The following ZFYVE9 variants were observed in gnomAD, a reference collection of about 807,000 sequenced individuals.
ZFYVE9 encodes the protein zinc finger FYVE-type containing 9, also known as zinc finger FYVE domain-containing protein 9.
A neutral mutation model predicts 126.7 loss-of-function variants in ZFYVE9; 43 were observed. That is an observed-to-expected ratio of 0.34 (90% confidence interval 0.27 to 0.44). The LOEUF is 0.44. Ranked by LOEUF, ZFYVE9 falls within the 20% of genes least tolerant of loss-of-function variation. The probability of loss-of-function intolerance (pLI) is 1.00; values close to 1 mark genes in which losing one functional copy is unlikely to be tolerated. For synonymous variants in ZFYVE9, 521 were observed against 597.4 expected, an observed-to-expected ratio of 0.87 and a Z score of 1.87; for missense variants, 1,476 against 1,697.0, an observed-to-expected ratio of 0.87 and a Z score of 2.29.
intron 2 of ZFYVE9, among the ~76,000 whole-genome samples, chr1:52,225,542 T>A (rs1272939583): frequency 6.6e-6 from 1 of 152,218 alleles, no homozygotes; most frequent in African/African-American, 2.4e-5. Context: ...TCTGTGTCTT[T>A]CCCATGTTGG....
At chr1:52,322,641 A>T (rs1477414410) in intron 13 of ZFYVE9, among the ~76,000 whole-genome samples, 1 of 150,698 alleles carries the variant, frequency 6.6e-6, no homozygotes. Context: ...CTCCCAAAGT[A>T]TTGGGATTAC....
intron 10 of ZFYVE9, among the ~76,000 whole-genome samples, chr1:52,290,658 A>T (rs116663169): frequency 0.043 from 6,622 of 152,240 alleles, 225 homozygotes; most frequent in Non-Finnish European, 0.069. Flanking sequence ...ATCTCCCTAA[A>T]GTTCCTGACA....
intron 1 of ZFYVE9, among the ~76,000 whole-genome samples, chr1:52,161,172 A>G (rs1644454340): frequency 1.3e-5 from 2 of 152,258 alleles, no homozygotes; most frequent in African/African-American, 4.8e-5. Context: ...ACAGCAAATT[A>G]TATAGTTGCT....
At chr1:52,251,569 T>C (rs1645446936) in intron 4 of ZFYVE9, among the ~76,000 whole-genome samples, 1 of 152,126 alleles carries the variant, frequency 6.6e-6, no homozygotes. Flanking sequence ...TCATGGTGTA[T>C]AATTCTATCA....
At chr1:52,182,620 T>C (rs603316) in intron 1 of ZFYVE9, among the ~76,000 whole-genome samples, 146,811 of 151,894 alleles carry the variant, frequency 0.97, 70,965 homozygotes, top group East Asian at 1. Flanking sequence ...TGCGGAAGGC[T>C]GCAGGGTCCT....
chr1:52,166,161 C>T (rs985104156), intron 1 of ZFYVE9, among the ~76,000 whole-genome samples: 5 of 152,280 alleles, frequency 3.3e-5, no homozygotes, highest in South Asian at 2.1e-4. Flanking sequence ...GTGAAACTGA[C>T]GTTTTAGAAC....
chr1:52,176,850 G>A (rs865831188), intron 1 of ZFYVE9, among the ~76,000 whole-genome samples: 51 of 152,130 alleles, frequency 3.4e-4, no homozygotes, highest in East Asian at 5.8e-4. Context: ...TCAGAAAAGC[G>A]CAGTATTGGG....
At chr1:52,294,105 G>A (rs952589402) in intron 11 of ZFYVE9, among the ~76,000 whole-genome samples, 8 of 152,192 alleles carry the variant, frequency 5.3e-5, no homozygotes, top group Admixed American at 1.3e-4. Flanking sequence ...AGAAGAAGGA[G>A]CTTCCTTGCT....
chr1:52,291,755 A>G (rs1007950684), intron 10 of ZFYVE9, among the ~76,000 whole-genome samples: 2 of 151,672 alleles, frequency 1.3e-5, no homozygotes, highest in East Asian at 2.0e-4. Context: ...GTGGGTGCCT[A>G]TAGTCCCAGC....
At chr1:52,271,213 A>G (rs1047716968) in intron 7 of ZFYVE9, among the ~76,000 whole-genome samples, 1 of 152,192 alleles carries the variant, frequency 6.6e-6, no homozygotes, top group African/African-American at 2.4e-5. Flanking sequence ...AGTGAATGTT[A>G]TAGGGAAACA....
At position 52,142,991 on chromosome 1, in the gene ZFYVE9, G is replaced by T. The variant is rs1644275059; in HGVS notation, c.-143+588G>T. ...TTGAGGTGAAATTTCATCACCTGCC[G>T]GTTGCTCATTCCTGCCTCTTTATAT... On this transcript the variant is annotated intron_variant, in intron 1 of 18. Coordinates refer to ENST00000287727, the MANE Select transcript of ZFYVE9 (RefSeq NM_004799.4). The surrounding 1 kb of genome is among the most constrained non-coding windows in gnomAD (Gnocchi z 4.5). Among the ~76,000 whole-genome samples, 1 of 152,142 alleles carries T rather than the reference G, an allele frequency of 6.6e-6. No individual in the cohort carries two copies. Among genetic ancestry groups the T allele is most frequent in the South Asian group, 2.1e-4 (1 of 4,824 alleles).
intron 13 of ZFYVE9, among the ~76,000 whole-genome samples, chr1:52,316,866 C>A (rs1646190472): frequency 6.6e-6 from 1 of 152,180 alleles, no homozygotes; most frequent in Non-Finnish European, 1.5e-5. Flanking sequence ...ATAAAATGTT[C>A]CGCACAACAG....
At chr1:52,225,039 C>T (rs777206599) in intron 2 of ZFYVE9, among the ~76,000 whole-genome samples, 15 of 152,102 alleles carry the variant, frequency 9.9e-5, no homozygotes, top group African/African-American at 1.4e-4. Flanking sequence ...GAACCGAGTC[C>T]GGACTCCACA....
At chr1:52,213,426 G>A (rs1166420474) in intron 1 of ZFYVE9, among the ~76,000 whole-genome samples, 6 of 151,956 alleles carry the variant, frequency 3.9e-5, no homozygotes, top group African/African-American at 1.2e-4. Context: ...TGAGGTGGGC[G>A]GATTGCCTGA....
intron 1 of ZFYVE9, among the ~76,000 whole-genome samples, chr1:52,171,663 T>C (rs1644570951): frequency 6.6e-6 from 1 of 152,114 alleles, no homozygotes; most frequent in Non-Finnish European, 1.5e-5. Flanking sequence ...CAGCACCTGT[T>C]GTTTCCTGAC....
intron 10 of ZFYVE9, among the ~76,000 whole-genome samples, chr1:52,291,783 C>T (rs866618344): frequency 2.0e-5 from 3 of 148,014 alleles, no homozygotes; most frequent in African/African-American, 5.0e-5. Flanking sequence ...GAGGCTGAGG[C>T]AGGAGAATTG....
intron 1 of ZFYVE9, among the ~76,000 whole-genome samples, chr1:52,190,794 G>A (rs947399711): frequency 2.0e-5 from 3 of 152,164 alleles, no homozygotes; most frequent in African/African-American, 7.2e-5. Flanking sequence ...GTAGAAGATA[G>A]TAATATTTCT....
At chr1:52,253,145 C>T (rs924313556) in intron 4 of ZFYVE9, among the ~76,000 whole-genome samples, 2 of 152,102 alleles carry the variant, frequency 1.3e-5, no homozygotes, top group African/African-American at 2.4e-5. Context: ...CAGAGTGAGA[C>T]CCTGTCTCAA....
chr1:52,279,821 G>C (rs1430779921), intron 9 of ZFYVE9, among the ~76,000 whole-genome samples: 1 of 152,048 alleles, frequency 6.6e-6, no homozygotes, highest in Non-Finnish European at 1.5e-5. Context: ...AGTGTTAATA[G>C]GCAATTTTAA....
Sources: gnomAD v4.1 joint callset for allele counts (sites outside exome capture counted in the v4.1 genomes callset) on GRCh38, gnomAD v4.1.1 for gene constraint, Gnocchi (gnomAD v3.1) non-coding constraint, MANE v1.5 for transcripts, NCBI Gene and HGNC (gene_info 2026-07-23, HGNC 2026-07-21) for gene names.